PDGFD: variants seen among roughly 807,000 people sequenced by gnomAD.
PDGFD encodes the protein platelet derived growth factor D.
In PDGFD, 30 loss-of-function variants were observed where a neutral mutation model predicts 44.7. The observed-to-expected ratio is 0.67, with a 90% confidence interval of 0.50 to 0.91. The LOEUF (loss-of-function observed/expected upper bound fraction) is 0.91, where lower values mean the gene tolerates loss of function less well. PDGFD is among the 40% of genes least tolerant of loss of function. The pLI is 0.00. For missense variants in PDGFD, 445 were observed against 457.8 expected, an observed-to-expected ratio of 0.97 and a Z score of 0.25; for synonymous variants, 173 against 168.4, an observed-to-expected ratio of 1.03 and a Z score of -0.21.
chr11:103,996,089 T>C lies in PDGFD; in HGVS notation c.486A>G (p.Gly162=). The change falls in exon 3 of 7, where the codon GGA becomes GGG. Residue 162 remains glycine, a synonymous_variant. Transcript: ENST00000393158. ...KSDDYFVAKP[G]FKIYYSLLED... ...CCAGCAAAGAATAATAAATCTTGAA[T>C]CCAGGTTTAGCCACAAAGTAGTCAT... The C allele has an allele frequency of 6.2e-7, 1 of 1,613,420 alleles. No homozygotes were observed. Among genetic ancestry groups the C allele is most frequent in the Non-Finnish European group, 8.5e-7 (1 of 1,179,706 alleles).
intron 1 of PDGFD, among the ~76,000 whole-genome samples, chr11:104,050,468 T>A (rs1279377119): frequency 6.6e-6 from 1 of 152,256 alleles, no homozygotes; most frequent in South Asian, 2.1e-4. Context: ...AACATTTAAA[T>A]GAAAAGAGCT....
chr11:104,164,026 C>T lies in PDGFD; in HGVS notation c.-99G>A. ...GCCCTGCGCTCTCGCCGCCTGCGCT[C>T]GCCCTGCGCTGGCCCGGGTCGCTGT... is the stretch of plus-strand genomic sequence containing the variant. On this transcript the variant is annotated 5_prime_UTR_variant, in exon 1 of 7. Coordinates refer to ENST00000393158, the MANE Select transcript of PDGFD (RefSeq NM_025208.5). The T allele has an allele frequency of 7.5e-7, 1 of 1,330,238 alleles. No homozygotes were observed. The highest frequency in any genetic ancestry group is 1.8e-5 in the South Asian group (1 of 54,692). 82.4% of individuals were successfully genotyped at this position (1,330,238 alleles called of 1,614,324 possible). A position where few individuals can be genotyped will look rare whatever the true frequency, so the allele number is the denominator to read the frequency against.
At chr11:104,030,971 A>G (rs1012136605) in intron 1 of PDGFD, among the ~76,000 whole-genome samples, 1 of 152,204 alleles carries the variant, frequency 6.6e-6, no homozygotes, top group Non-Finnish European at 1.5e-5. Context: ...TTTATATTAC[A>G]TCTTATATGA....
Position 104,119,157 on chromosome 11 carries a change from GATATAAC to G in PDGFD, c.124+44640_124+44646del, listed in dbSNP as rs1175768174. On this transcript the variant is annotated intron_variant, in intron 1 of 6. Coordinates refer to ENST00000393158, the MANE Select transcript of PDGFD (RefSeq NM_025208.5). The stretch of plus-strand genomic sequence containing the variant: ...ATATAATATATTAATATAATATATT[GATATAAC>G]ATATAATATATTAATATAATATATT... 9.1e-3 allele frequency among the ~76,000 whole-genome samples: 98 copies of G among 10,776 alleles called. 5 individuals carry two copies. Among genetic ancestry groups the G allele is most frequent in the South Asian group, 0.021 (2 of 94 alleles). 7.1% of individuals were successfully genotyped at this position (10,776 alleles called of 152,430 possible).
At chr11:104,145,831 C>A (rs1241515737) in intron 1 of PDGFD, among the ~76,000 whole-genome samples, 1 of 152,098 alleles carries the variant, frequency 6.6e-6, no homozygotes, top group Admixed American at 6.5e-5. Context: ...GGATAGGGCT[C>A]TAATAGTATA....
At chr11:103,922,534 G>A (rs1487358140) in intron 6 of PDGFD, among the ~76,000 whole-genome samples, 1 of 142,246 alleles carries the variant, frequency 7.0e-6, no homozygotes, top group African/African-American at 2.5e-5. Context: ...GTTATACCCA[G>A]AAGAAAGAAG....
intron 1 of PDGFD, among the ~76,000 whole-genome samples, chr11:104,028,197 A>G (rs1352104353): frequency 2.0e-5 from 3 of 151,646 alleles, no homozygotes; most frequent in African/African-American, 7.3e-5. Context: ...CAAAGAAAAA[A>G]AAAAAAAAAA....
chr11:103,916,124 CA>C (rs200081861), intron 6 of PDGFD, among the ~76,000 whole-genome samples: 6 of 150,662 alleles, frequency 4.0e-5, no homozygotes, highest in Non-Finnish European at 7.4e-5. Flanking sequence ...TTCTGCACAG[CA>C]AAAAAAAACT....
chr11:103,939,257 A>G (rs1451110359), intron 5 of PDGFD, among the ~76,000 whole-genome samples: 1 of 152,090 alleles, frequency 6.6e-6, no homozygotes, highest in Non-Finnish European at 1.5e-5. Flanking sequence ...GTTCTCCTTG[A>G]AGAGGTCCTT....
At chr11:104,001,840 G>C (rs1859624376) in intron 1 of PDGFD, among the ~76,000 whole-genome samples, 1 of 152,180 alleles carries the variant, frequency 6.6e-6, no homozygotes, top group African/African-American at 2.4e-5. Flanking sequence ...TCTGAGGGTG[G>C]CTGTTAGAGC....
Position 103,916,427 on chromosome 11 carries a change from G to C in PDGFD, c.988-6608C>G, listed in dbSNP as rs557418153. ...TAGTTAGAATGGTGATCACTAAAAAGTCAGGAAACAACAAATGCTGGAGAG... is the reference window on the plus strand; with the variant it reads ...TAGTTAGAATGGTGATCACTAAAAACTCAGGAAACAACAAATGCTGGAGAG... On this transcript the variant is annotated intron_variant, in intron 6 of 6. Coordinates refer to ENST00000393158, the MANE Select transcript of PDGFD (RefSeq NM_025208.5). Among the ~76,000 whole-genome samples the C allele has an allele frequency of 4.6e-5, 7 of 152,292 alleles. No homozygotes were observed. The East Asian group carries it at 1.4e-3, about 29-fold the overall frequency.
intron 5 of PDGFD, among the ~76,000 whole-genome samples, chr11:103,943,038 A>C (rs1858610627): frequency 6.6e-6 from 1 of 152,068 alleles, no homozygotes; most frequent in Non-Finnish European, 1.5e-5. Context: ...TGCAAAAAAA[A>C]CACAGTTTGG....
At chr11:104,104,977 A>G (rs1449464527) in intron 1 of PDGFD, among the ~76,000 whole-genome samples, 1 of 152,174 alleles carries the variant, frequency 6.6e-6, no homozygotes, top group Non-Finnish European at 1.5e-5. Flanking sequence ...CTTGTTGCTC[A>G]CCATGTATAC....
chr11:104,015,389 A>T (rs1183734658), intron 1 of PDGFD, among the ~76,000 whole-genome samples: 1 of 152,240 alleles, frequency 6.6e-6, no homozygotes, highest in Non-Finnish European at 1.5e-5. Flanking sequence ...GGTGTGAACG[A>T]AGCTACATTT....
At chr11:104,135,281 G>C (rs1276036680) in intron 1 of PDGFD, among the ~76,000 whole-genome samples, 1 of 152,158 alleles carries the variant, frequency 6.6e-6, no homozygotes, top group African/African-American at 2.4e-5. Context: ...AAAAGGCCTG[G>C]GGCAGCCAAA....
chr11:104,028,871 G>A (rs1225098064), intron 1 of PDGFD, among the ~76,000 whole-genome samples: 6 of 150,346 alleles, frequency 4.0e-5, no homozygotes, highest in African/African-American at 1.5e-4. Context: ...GTTTGTAAAG[G>A]AAAAAAAAAT....
intron 3 of PDGFD, among the ~76,000 whole-genome samples, chr11:103,975,165 T>A (rs899275365): frequency 6.6e-6 from 1 of 152,332 alleles, no homozygotes; most frequent in African/African-American, 2.4e-5. Flanking sequence ...GTTTCCTGAC[T>A]TTTTAGCAAT....
At chr11:103,918,001 T>C (rs1858154167) in intron 6 of PDGFD, among the ~76,000 whole-genome samples, 1 of 152,188 alleles carries the variant, frequency 6.6e-6, no homozygotes. Context: ...AGGGAATAAA[T>C]CACTGCATTT....
intron 1 of PDGFD, among the ~76,000 whole-genome samples, chr11:104,113,150 G>A (rs1861585378): frequency 6.6e-6 from 1 of 152,082 alleles, no homozygotes; most frequent in African/African-American, 2.4e-5. Context: ...GGAGAAAATT[G>A]CCTATACCAA....
Sources: gnomAD v4.1 joint callset for allele counts (sites outside exome capture counted in the v4.1 genomes callset) on GRCh38, gnomAD v4.1.1 for gene constraint, MANE v1.5 for transcripts, NCBI Gene and HGNC (gene_info 2026-07-23, HGNC 2026-07-21) for gene names.